Variants in KAZN observed in about 807,000 individuals in gnomAD.
KAZN encodes the protein kazrin.
Under a neutral mutation model 87.4 loss-of-function variants are expected in KAZN, and 40 were observed. That is an observed-to-expected ratio of 0.46 (90% confidence interval 0.36 to 0.60). The LOEUF is 0.60. KAZN is among the 20% of genes least tolerant of loss of function. The probability of loss-of-function intolerance (pLI) is 0.00; values close to 1 mark genes in which losing one functional copy is unlikely to be tolerated. For synonymous variants in KAZN, 466 were observed against 458.3 expected, an observed-to-expected ratio of 1.02 and a Z score of -0.22; for missense variants, 898 against 1,073.9, an observed-to-expected ratio of 0.84 and a Z score of 2.29.
chr1:15,023,449 A>G (rs1317367527), intron 2 of KAZN, among the ~76,000 whole-genome samples: 2 of 152,156 alleles, frequency 1.3e-5, no homozygotes, highest in Non-Finnish European at 2.9e-5. Flanking sequence ...AGGGCCTTCC[A>G]GGCAGAGGGA....
At chr1:14,525,694 T>C (rs1483220453) in intron 2 of KAZN, among the ~76,000 whole-genome samples, 2 of 152,360 alleles carry the variant, frequency 1.3e-5, no homozygotes, top group East Asian at 1.9e-4. Flanking sequence ...AAAAAATGAT[T>C]GTAAATGTTG....
intron 1 of KAZN, among the ~76,000 whole-genome samples, chr1:14,899,103 G>A (rs1357854915): frequency 6.6e-6 from 1 of 152,194 alleles, no homozygotes; most frequent in Admixed American, 6.5e-5. Context: ...TACCACCTGT[G>A]AGTCATAAGA....
At chr1:14,410,388 C>T (rs116620821) in intron 2 of KAZN, among the ~76,000 whole-genome samples, 117 of 152,254 alleles carry the variant, frequency 7.7e-4, no homozygotes, top group African/African-American at 2.5e-3. Flanking sequence ...AGGTGTGAGT[C>T]GCCATTCCCG....
chr1:14,297,382 G>A (rs767021908), intron 2 of KAZN, among the ~76,000 whole-genome samples: 9 of 152,174 alleles, frequency 5.9e-5, no homozygotes, highest in Non-Finnish European at 1.2e-4. Flanking sequence ...TAGTCTCATT[G>A]GCCAGAACTG....
intron 2 of KAZN, among the ~76,000 whole-genome samples, chr1:14,277,467 C>A (rs939493099): frequency 6.6e-6 from 1 of 152,144 alleles, no homozygotes; most frequent in East Asian, 1.9e-4. Context: ...AGATTGAGAC[C>A]ATCCTGGCCA....
intron 1 of KAZN, among the ~76,000 whole-genome samples, chr1:14,877,248 A>G (rs1175785515): frequency 6.6e-6 from 1 of 152,196 alleles, no homozygotes; most frequent in Non-Finnish European, 1.5e-5. Flanking sequence ...TCTACTGAAG[A>G]CACCATCCTC....
At chr1:14,407,004 G>T (rs920252740) in intron 2 of KAZN, among the ~76,000 whole-genome samples, 10 of 152,272 alleles carry the variant, frequency 6.6e-5, no homozygotes, top group South Asian at 2.1e-4. Context: ...TTCCAGTTTC[G>T]CAAGTCATCT....
At chr1:14,186,602 T>C (rs1646311541) in intron 2 of KAZN, among the ~76,000 whole-genome samples, 1 of 152,178 alleles carries the variant, frequency 6.6e-6, no homozygotes, top group Non-Finnish European at 1.5e-5. Flanking sequence ...CTCTGAATGA[T>C]CTGTCTTAGG....
chr1:14,372,038 ATCT>A lies in KAZN; in HGVS notation c.249+191448_249+191450del, dbSNP rs200183491. Among the ~76,000 whole-genome samples the A allele has an allele frequency of 3.9e-5, 6 of 152,352 alleles. No individual in the cohort carries two copies. The East Asian group carries it at 9.6e-4, about 24-fold the overall frequency. ...TGAATAGTCGTCATCTCATTTATGG[ATCT>A]TATTAGCTTCAATTTTTCATTTTGG... is the stretch of plus-strand genomic sequence containing the variant. On this transcript the variant is annotated intron_variant, in intron 2 of 16. Transcript: ENST00000636203.
rs141918775 is a variant in KAZN at position 14,242,949 on chromosome 1, C to T, written c.249+62357C>T. On this transcript the variant is annotated intron_variant, in intron 2 of 16. Coordinates refer to the KAZN transcript ENST00000636203. ...CGTAAGAACAGGTCATACAAGGATA[C>T]GTTTGTATGCATCAGTCTTCTCTGA... Among the ~76,000 whole-genome samples the T allele has an allele frequency of 7.2e-5, 11 of 152,250 alleles. No homozygotes were observed. In the East Asian group the frequency reaches 1.7e-3, roughly 24 times the overall value.
At chr1:14,299,029 A>G (rs7527386) in intron 2 of KAZN, among the ~76,000 whole-genome samples, 1 of 151,968 alleles carries the variant, frequency 6.6e-6, no homozygotes, top group Non-Finnish European at 1.5e-5. Flanking sequence ...TGTTAATGCA[A>G]CCAGAATAGT....
chr1:14,172,026 T>C (rs1557534633), intron 1 of KAZN, among the ~76,000 whole-genome samples: 1 of 152,188 alleles, frequency 6.6e-6, no homozygotes, highest in Non-Finnish European at 1.5e-5. Context: ...TACTCATTAA[T>C]GTACAGTGAA....
chr1:14,254,730 A>G (rs1650348857), intron 2 of KAZN, among the ~76,000 whole-genome samples: 1 of 152,062 alleles, frequency 6.6e-6, no homozygotes, highest in African/African-American at 2.4e-5. Context: ...AAAAAGGTTT[A>G]ATTGGCTTAC....
chr1:14,436,708 ACT>A (rs1325201999), intron 2 of KAZN, among the ~76,000 whole-genome samples: 9 of 131,294 alleles, frequency 6.9e-5, no homozygotes, highest in African/African-American at 2.6e-4. Flanking sequence ...ACAGAGCGAG[ACT>A]CTGTCTCAAA....
rs1235653364 is a variant in KAZN at position 14,878,085 on chromosome 1, G to A, written c.227-82599G>A. 3.9e-5 allele frequency among the ~76,000 whole-genome samples: 6 copies of A among 152,056 alleles called. No individual in the cohort carries two copies. In the South Asian group the frequency reaches 8.3e-4, roughly 21 times the overall value. On this transcript the variant is annotated intron_variant, in intron 1 of 14. Coordinates refer to ENST00000376030, the MANE Select transcript of KAZN (RefSeq NM_201628.3). ...GACATGGTTAAAATTCCAGCTCTCC[G>A]ACATATTGGCTGTGTGACAGAGGGC...
intron 2 of KAZN, among the ~76,000 whole-genome samples, chr1:14,237,897 T>C (rs993338579): frequency 2.0e-5 from 3 of 152,224 alleles, no homozygotes; most frequent in Non-Finnish European, 4.4e-5. Context: ...GGGAATCCAT[T>C]CTACCCTAGA....
chr1:14,319,099 G>T (rs1273370978), intron 2 of KAZN, among the ~76,000 whole-genome samples: 1 of 149,836 alleles, frequency 6.7e-6, no homozygotes, highest in African/African-American at 2.5e-5. Context: ...CTACTTCTTG[G>T]CCTGTCAGGT....
rs1205883737 is a variant in KAZN at position 14,184,045 on chromosome 1, A to G, written c.249+3453A>G. ...ATACCCTTCCCAGAGGTCCATCTCT[A>G]GGGATGAAAGTAAACCCTTCAAAAT... On this transcript the variant is annotated intron_variant, in intron 2 of 16. Coordinates refer to the KAZN transcript ENST00000636203. This position sits in a 1 kb window ranked among gnomAD's most constrained non-coding sequence, Gnocchi z 4.2. Among the ~76,000 whole-genome samples, 1 of 152,178 alleles carries G rather than the reference A, an allele frequency of 6.6e-6. No individual in the cohort carries two copies. Among genetic ancestry groups the G allele is most frequent in the Non-Finnish European group, 1.5e-5 (1 of 68,016 alleles).
chr1:14,478,405 T>A (rs990865312), intron 2 of KAZN, among the ~76,000 whole-genome samples: 5 of 151,866 alleles, frequency 3.3e-5, no homozygotes, highest in Admixed American at 3.3e-4. Flanking sequence ...AAAGGATAAA[T>A]GAAAGGTTGG....
Sources: gnomAD v4.1 joint callset for allele counts (sites outside exome capture counted in the v4.1 genomes callset) on GRCh38, gnomAD v4.1.1 for gene constraint, Gnocchi (gnomAD v3.1) non-coding constraint, MANE v1.5 for transcripts, NCBI Gene and HGNC (gene_info 2026-07-23, HGNC 2026-07-21) for gene names.